CASP8: variants seen among roughly 807,000 people sequenced by gnomAD.
The protein encoded by CASP8 is caspase-8.
A neutral mutation model predicts 46.3 loss-of-function variants in CASP8; 24 were observed. The ratio of observed to expected loss-of-function variants is 0.52; its 90% CI spans 0.38 to 0.73. The LOEUF (loss-of-function observed/expected upper bound fraction) is 0.73. Ranked by LOEUF, CASP8 falls within the 30% of genes least tolerant of loss-of-function variation. CASP8 has a pLI of 0.00. For synonymous variants in CASP8, 188 were observed against 200.4 expected (o/e 0.94, Z 0.52); for missense variants, 460 against 559.0 (o/e 0.82, Z 1.79).
intron 2 of CASP8, chr2:201,241,956 T>C (rs1946318446): frequency 6.6e-6 from 1 of 152,184 alleles, no homozygotes; most frequent in Non-Finnish European, 1.5e-5. Flanking sequence ...AAAGATAACA[T>C]GATCATCTCA....
chr2:201,275,936 A>G (rs1362267314), intron 6 of CASP8, among the ~76,000 whole-genome samples: 2 of 152,184 alleles, frequency 1.3e-5, no homozygotes, highest in African/African-American at 4.8e-5. Context: ...TACTTAGAAC[A>G]CAACTGTAAA....
rs1949502974 is a variant in CASP8, at chr2:201,285,282, G to A, written c.1269G>A (p.Gln423=). 1 of 1,613,994 alleles carries A rather than the reference G, an allele frequency of 6.2e-7. No individual in the cohort carries two copies. Among genetic ancestry groups the A allele is most frequent in the African/African-American group, 1.3e-5 (1 of 74,932 alleles). ...RNPAEGTWYI[Q]SLCQSLRERC... ...CTGCAGAGGGAACCTGGTACATCCA[G>A]TCACTTTGCCAGAGCCTGAGAGAGC... The change falls in exon 8 of 9, where the codon CAG becomes CAA. Residue 423 remains glutamine (Q), a synonymous_variant. Coordinates refer to ENST00000673742, the MANE Select transcript of CASP8 (RefSeq NM_001372051.1).
intron 1 of CASP8, among the ~76,000 whole-genome samples, chr2:201,263,663 A>T (rs575637035): frequency 6.6e-6 from 1 of 152,290 alleles, no homozygotes; most frequent in East Asian, 1.9e-4. Context: ...GGATGGGGGA[A>T]AGGAAGTCCT....
rs1576347035 is a variant in CASP8 at position 201,276,927 on chromosome 2, T to G, written c.761T>G (p.Leu254Arg). The G allele has an allele frequency of 3.1e-6, 5 of 1,614,012 alleles. No homozygotes were observed. Among genetic ancestry groups the G allele is most frequent in the Non-Finnish European group, 4.2e-6 (5 of 1,179,906 alleles). ...AAAGCACGGGAGAAAGTGCCCAAAC[T>G]TCACAGCATTAGGGACAGGAATGGA... ...FAKAREKVPK[L>R]HSIRDRNGTH... The change falls in exon 7 of 9, where the codon CTT (leucine) becomes CGT (arginine). Residue 254 changes from leucine to arginine, a missense_variant. Physicochemically the swap from Leu to Arg is moderately radical, Grantham distance 102. Transcript: ENST00000673742.
intron 2 of CASP8, among the ~76,000 whole-genome samples, chr2:201,269,772 G>A (rs1156472834): frequency 1.3e-5 from 2 of 152,186 alleles, no homozygotes; most frequent in Non-Finnish European, 2.9e-5. Context: ...TTATTTTCCA[G>A]TTATAATTGC....
At chr2:201,270,350 G>A (rs1261800697) in intron 2 of CASP8, among the ~76,000 whole-genome samples, 1 of 152,058 alleles carries the variant, frequency 6.6e-6, no homozygotes, top group Non-Finnish European at 1.5e-5. Flanking sequence ...ATGTGGTTAC[G>A]GATAATTATC....
At chr2:201,255,446 T>C (rs757510839) in intron 2 of CASP8, among the ~76,000 whole-genome samples, 22 of 152,114 alleles carry the variant, frequency 1.4e-4, no homozygotes, top group Non-Finnish European at 1.5e-5. Context: ...GCCTTACAAA[T>C]GGCACAAGTT....
At chr2:201,259,464 C>T (rs535336398), upstream of CASP8, among the ~76,000 whole-genome samples, 12 of 152,310 alleles carry the variant, frequency 7.9e-5, no homozygotes, top group Admixed American at 6.5e-4. Context: ...GCATGAGCCA[C>T]GGTGGCCATC....
chr2:201,257,465 C>T (rs1324502519), upstream of CASP8, among the ~76,000 whole-genome samples: 3 of 132,818 alleles, frequency 2.3e-5, no homozygotes, highest in Non-Finnish European at 4.7e-5. Flanking sequence ...CTGGGCAACG[C>T]ACCGAGACTC....
chr2:201,271,838 G>A (rs1226573445), intron 3 of CASP8, among the ~76,000 whole-genome samples: 2 of 152,206 alleles, frequency 1.3e-5, no homozygotes, highest in East Asian at 1.9e-4. Flanking sequence ...GTCAGAGGCC[G>A]GGAGAAGGAG....
intron 2 of CASP8, among the ~76,000 whole-genome samples, chr2:201,235,216 T>A (rs534914940): frequency 4.9e-4 from 74 of 152,314 alleles, no homozygotes; most frequent in African/African-American, 1.6e-3. Flanking sequence ...CTGCCTTATG[T>A]GATATTAGTA....
rs1339529460 is a variant in CASP8, at chr2:201,235,767, C to T, written c.-27+1655C>T. 2.0e-5 allele frequency among the ~76,000 whole-genome samples: 3 copies of T among 152,208 alleles called. No individual in the cohort carries two copies. The East Asian group carries it at 5.8e-4, about 29-fold the overall frequency. ...TCATATATATATTCATGTGCCATTT[C>T]AGTCAATGACCGACCACATATATGA... On this transcript the variant is annotated intron_variant, in intron 2 of 6. Transcript: ENST00000264274.
intron 1 of CASP8, among the ~76,000 whole-genome samples, chr2:201,263,979 G>A (rs540324102): frequency 3.9e-5 from 6 of 152,286 alleles, no homozygotes; most frequent in African/African-American, 1.2e-4. Context: ...CACACTGCAC[G>A]CCCACATCTG....
intron 2 of CASP8, among the ~76,000 whole-genome samples, chr2:201,253,293 CTTTTTTTTTTTTTTTTT>C (rs34341476): frequency 4.4e-5 from 3 of 67,954 alleles, no homozygotes; most frequent in East Asian, 9.5e-4. Context: ...CTAGCCTGAT[CTTTTTTTTTTTTTTTTT>C]TTTTTTTTTT....
intron 1 of CASP8, among the ~76,000 whole-genome samples, chr2:201,263,214 T>G (rs1947549197): frequency 6.6e-6 from 1 of 152,228 alleles, no homozygotes. Context: ...AAAGGTTTAT[T>G]CATTTTGACA....
intron 8 of CASP8, among the ~76,000 whole-genome samples, chr2:201,286,224 C>T (rs771199351): frequency 3.3e-5 from 5 of 152,138 alleles, no homozygotes; most frequent in African/African-American, 1.2e-4. Flanking sequence ...ATACTGACAC[C>T]GAGGTTTCTG....
intron 7 of CASP8, among the ~76,000 whole-genome samples, chr2:201,282,775 G>A (rs1384602313): frequency 2.1e-4 from 17 of 80,786 alleles, no homozygotes; most frequent in Middle Eastern, 0.01. Flanking sequence ...GCCCGGCAGA[G>A]GCGCCCCTCA....
chr2:201,279,536 A>G (rs548557081), intron 7 of CASP8, among the ~76,000 whole-genome samples: 7 of 152,368 alleles, frequency 4.6e-5, no homozygotes, highest in African/African-American at 1.2e-4. Flanking sequence ...TCATCTTGCT[A>G]TGAAATCCCT....
At position 201,234,695 on chromosome 2, in the gene CASP8, G is replaced by A. The variant is rs35678349; in HGVS notation, c.-27+583G>A. Among the ~76,000 whole-genome samples the A allele has an allele frequency of 8.9e-3, 1,355 of 151,994 alleles. 27 individuals carry two copies. Among genetic ancestry groups the A allele is most frequent in the African/African-American group, 0.031 (1,304 of 41,432 alleles). ...GCTGGTCTCAAACTTCTGGCCCCAAGTGATCTACCCACCTTGGCCTCCCAA... is the reference window on the plus strand; with the variant it reads ...GCTGGTCTCAAACTTCTGGCCCCAAATGATCTACCCACCTTGGCCTCCCAA... On this transcript the variant is annotated intron_variant, in intron 2 of 6. Transcript: ENST00000264274.
Sources: allele counts gnomAD v4.1 joint callset (sites outside exome capture counted in the v4.1 genomes callset), GRCh38; gene constraint gnomAD v4.1.1; transcripts MANE v1.5; gene names NCBI Gene and HGNC (gene_info 2026-07-23, HGNC 2026-07-21).